Variants in CCNT2 observed in about 807,000 individuals in gnomAD.
The protein encoded by CCNT2 is cyclin T2.
Under a neutral mutation model 70.0 loss-of-function variants are expected in CCNT2, and 18 were observed. The observed-to-expected ratio is 0.26, with a 90% CI of 0.18 to 0.38. The LOEUF is 0.38. Ranked by LOEUF, CCNT2 falls within the 10% of genes least tolerant of loss-of-function variation. The pLI is 1.00. For synonymous variants in CCNT2, 334 were observed against 313.3 expected, an observed-to-expected ratio of 1.07 and a Z score of -0.70; for missense variants, 734 against 890.2, an observed-to-expected ratio of 0.82 and a Z score of 2.23.
chr2:134,944,872 A>G (rs1681837549), intron 5 of CCNT2: 2 of 985,236 alleles, frequency 2.0e-6, no homozygotes, highest in Non-Finnish European at 2.4e-6. Context: ...GAAAACTGCT[A>G]ATGGCATTTT....
Position 134,921,597 on chromosome 2 carries a change from G to T in CCNT2, c.240+1706G>T, listed in dbSNP as rs535481858. 1.4e-4 allele frequency among the ~76,000 whole-genome samples: 21 copies of T among 152,206 alleles called. No individual in the cohort carries two copies. In the South Asian group the frequency reaches 4.1e-3, roughly 30 times the overall value. ...TTGAGCTCCTGACCTCAGGTGATCC[G>T]TCCGCCTCGGCCTCCCAAAGTGCTG... is the stretch of plus-strand genomic sequence containing the variant. On this transcript the variant is annotated intron_variant, in intron 2 of 8. Transcript: ENST00000264157.
chr2:134,938,343 C>A (rs1221392824), intron 3 of CCNT2, among the ~76,000 whole-genome samples: 1 of 152,086 alleles, frequency 6.6e-6, no homozygotes, highest in Non-Finnish European at 1.5e-5. Flanking sequence ...TATAGTATTT[C>A]CTTATCACTT....
At chr2:134,924,991 C>T (rs1241824547) in intron 2 of CCNT2, among the ~76,000 whole-genome samples, 3 of 152,138 alleles carry the variant, frequency 2.0e-5, no homozygotes, top group Non-Finnish European at 4.4e-5. Context: ...GTGCAGTTTA[C>T]TGTGTTCCTT....
intron 3 of CCNT2, among the ~76,000 whole-genome samples, chr2:134,938,428 G>A (rs1225983430): frequency 2.0e-5 from 3 of 152,158 alleles, no homozygotes; most frequent in Non-Finnish European, 4.4e-5. Context: ...AACTGTAATA[G>A]AGGGATAATT....
chr2:134,927,258 CTG>C (rs1266007269), intron 2 of CCNT2, among the ~76,000 whole-genome samples: 1 of 152,304 alleles, frequency 6.6e-6, no homozygotes, highest in Non-Finnish European at 1.5e-5. Flanking sequence ...TTCAGTGACT[CTG>C]TATTATTATA....
intron 7 of CCNT2, among the ~76,000 whole-genome samples, chr2:134,950,353 TC>T (rs894459786): frequency 2.6e-5 from 4 of 152,140 alleles, no homozygotes; most frequent in African/African-American, 9.6e-5. Flanking sequence ...TTTTTCTGTG[TC>T]AGTCACAAAA....
At chr2:134,938,942 C>T in intron 3 of CCNT2, 60 bp from the exon 4 acceptor site, 1 of 1,047,504 alleles carries the variant, frequency 9.5e-7, no homozygotes, top group Non-Finnish European at 1.5e-6. Context: ...ATGTAACAGT[C>T]ATGCAGTCTA....
chr2:134,944,094 T>C, intron 5 of CCNT2: 1 of 984,342 alleles, frequency 1.0e-6, no homozygotes, highest in Non-Finnish European at 1.2e-6. Context: ...TAGCACACGT[T>C]ATCATTTGTA....
intron 3 of CCNT2, among the ~76,000 whole-genome samples, chr2:134,938,653 T>A (rs183481338): frequency 4.7e-4 from 72 of 152,302 alleles, no homozygotes; most frequent in Middle Eastern, 6.8e-3. Context: ...GAGTTGGATG[T>A]TTTTAATTGA....
chr2:134,920,987 C>T (rs1266186061), intron 2 of CCNT2, among the ~76,000 whole-genome samples: 1 of 152,152 alleles, frequency 6.6e-6, no homozygotes, highest in African/African-American at 2.4e-5. Flanking sequence ...CTCTTGAAGA[C>T]TTCTTCTATT....
At chr2:134,939,380 A>G (rs895141568) in intron 4 of CCNT2, among the ~76,000 whole-genome samples, 10 of 152,298 alleles carry the variant, frequency 6.6e-5, no homozygotes, top group Non-Finnish European at 1.5e-4. Context: ...ATTATGATGT[A>G]TACAAACCTA....
chr2:134,944,360 G>A, intron 5 of CCNT2: 1 of 962,528 alleles, frequency 1.0e-6, no homozygotes, highest in Non-Finnish European at 1.2e-6. Context: ...GGAAGTACTA[G>A]TATATGTTTA....
At chr2:134,945,708 G>A (rs1439837991) in intron 5 of CCNT2, 2 of 1,273,508 alleles carry the variant, frequency 1.6e-6, no homozygotes, top group East Asian at 5.5e-5. Context: ...TGAGGATTAA[G>A]TCTGGCAGGC....
In CCNT2 at chr2:134,947,877, A is replaced by G. The variant is rs577628373; in HGVS notation, c.681A>G (p.Thr227=). ...ATTGGTGGGAATATGTGGATCCTAC[A>G]GTTACTCTAGAATTATTAGATGGTA... is the stretch of plus-strand genomic sequence containing the variant. The part of the protein sequence containing the change: ...GKHWWEYVDP[T]VTLELLDELT... The change falls in exon 7 of 9, where the codon ACA becomes ACG. Residue 227 remains threonine, a synonymous_variant. Coordinates refer to ENST00000264157, the MANE Select transcript of CCNT2 (RefSeq NM_058241.3). 2.0e-6 allele frequency: 3 copies of G among 1,510,430 alleles called. No homozygotes were observed. The highest frequency in any genetic ancestry group is 2.6e-5 in the South Asian group (2 of 75,920). The allele number at this position is 1,510,430 out of a possible 1,614,324, so 93.6% of individuals were successfully genotyped here.
At chr2:134,949,415 G>T (rs1001988704) in intron 7 of CCNT2, among the ~76,000 whole-genome samples, 1 of 152,198 alleles carries the variant, frequency 6.6e-6, no homozygotes, top group African/African-American at 2.4e-5. Context: ...GTAACTGATT[G>T]GGTGTGACTG....
In CCNT2 at chr2:134,955,832, C is replaced by G. The variant is rs1304032905; in HGVS notation, c.*1184C>G. ...ACAATAAATAAAAAAGAAAAGATTA[C>G]TGACTGTGCATTGTACCTGTATTTA... is the stretch of plus-strand genomic sequence containing the variant. On this transcript the variant is annotated 3_prime_UTR_variant, in exon 9 of 9. Transcript: ENST00000264157. The G allele has an allele frequency of 6.6e-6, 1 of 152,610 alleles. No homozygotes were observed. Among genetic ancestry groups the G allele is most frequent in the African/African-American group, 2.4e-5 (1 of 41,446 alleles). The allele number at this position is 152,610 out of a possible 1,614,324, so 9.5% of individuals were successfully genotyped here.
chr2:134,938,398 A>T (rs1019022507), intron 3 of CCNT2, among the ~76,000 whole-genome samples: 8 of 152,224 alleles, frequency 5.3e-5, no homozygotes, highest in African/African-American at 1.9e-4. Context: ...GTAATTTTTC[A>T]TATCCTTTAT....
chr2:134,934,836 G>C (rs1331065269), intron 2 of CCNT2, among the ~76,000 whole-genome samples: 1 of 152,180 alleles, frequency 6.6e-6, no homozygotes, highest in Non-Finnish European at 1.5e-5. Context: ...TTTGACTTTT[G>C]ACCTGAGCCT....
At chr2:134,927,026 G>T (rs1399960982) in intron 2 of CCNT2, among the ~76,000 whole-genome samples, 1 of 152,218 alleles carries the variant, frequency 6.6e-6, no homozygotes, top group African/African-American at 2.4e-5. Flanking sequence ...ATGAGTGTAA[G>T]ATGAAGTTGA....
Sources: gnomAD v4.1 joint callset for allele counts (sites outside exome capture counted in the v4.1 genomes callset) on GRCh38, gnomAD v4.1.1 for gene constraint, MANE v1.5 for transcripts, NCBI Gene and HGNC (gene_info 2026-07-23, HGNC 2026-07-21) for gene names.